Variants in BAALC observed in about 807,000 individuals in gnomAD.
The protein encoded by BAALC is brain and acute leukemia cytoplasmic protein.
BAALC carries 9 observed loss-of-function variants against 15.5 expected under a neutral mutation model. The observed-to-expected ratio is 0.58, with a 90% CI of 0.35 to 1.02. The LOEUF (loss-of-function observed/expected upper bound fraction) is 1.02. BAALC is among the 50% of genes least tolerant of loss of function. BAALC has a pLI of 0.02. For synonymous variants in BAALC, 80 were observed against 74.6 expected (o/e 1.07, Z -0.37); for missense variants, 201 against 192.4 (o/e 1.04, Z -0.27).
At position 103,189,450 on chromosome 8, in the gene BAALC, A is replaced by G. The variant is rs143349891; in HGVS notation, c.161-23469A>G. ...AGATCTTTCTTCTTTCAGGATTAGC[A>G]GAGACAGCTGAGCAAAGTGAGAGAT... is the stretch of plus-strand genomic sequence containing the variant. On this transcript the variant is annotated intron_variant, in intron 1 of 2. Transcript: ENST00000309982. Among the ~76,000 whole-genome samples the G allele has an allele frequency of 2.5e-3, 388 of 152,330 alleles. 1 individual carries two copies. Among genetic ancestry groups the G allele is most frequent in the African/African-American group, 9.0e-3 (375 of 41,574 alleles).
At chr8:103,201,982 T>C (rs1243823416) in intron 1 of BAALC, among the ~76,000 whole-genome samples, 1 of 152,214 alleles carries the variant, frequency 6.6e-6, no homozygotes, top group Non-Finnish European at 1.5e-5. Context: ...TTAGAATCTA[T>C]ACATGTCTAT....
chr8:103,205,607 T>C (rs1488989369), intron 1 of BAALC, among the ~76,000 whole-genome samples: 1 of 152,172 alleles, frequency 6.6e-6, no homozygotes, highest in Non-Finnish European at 1.5e-5. Context: ...TAGAATCCCC[T>C]GCCTTAGAAT....
At chr8:103,141,101 C>T (rs778169702) in intron 1 of BAALC, 44 bp downstream of exon 1, 53 of 1,392,946 alleles carry the variant, frequency 3.8e-5, no homozygotes, top group Non-Finnish European at 4.7e-5. Flanking sequence ...CCCGCTACCC[C>T]GGGCGCCTTG....
At chr8:103,222,815 T>C (rs1586444909) in intron 2 of BAALC, among the ~76,000 whole-genome samples, 2 of 152,320 alleles carry the variant, frequency 1.3e-5, no homozygotes, top group East Asian at 3.9e-4. Context: ...CTTTTAGAGT[T>C]ATTGTTGTTG....
chr8:103,228,245 A>C lies in BAALC; in HGVS notation c.*146A>C. ...GGCAAGACTGTCTTACCTGGCAGCA[A>C]ACTGCTGCCTGATTTGTTGGGACCT... On this transcript the variant is annotated 3_prime_UTR_variant, in exon 3 of 3. Coordinates refer to ENST00000309982, the MANE Select transcript of BAALC (RefSeq NM_024812.3). The C allele has an allele frequency of 1.6e-6, 1 of 611,982 alleles. No individual in the cohort carries two copies. Among genetic ancestry groups the C allele is most frequent in the African/African-American group, 1.8e-5 (1 of 54,058 alleles). 37.9% of individuals were successfully genotyped at this position (611,982 alleles called of 1,614,324 possible). A position where few individuals can be genotyped will look rare whatever the true frequency, so the allele number is the denominator to read the frequency against.
chr8:103,225,558 A>C (rs1182695254), intron 2 of BAALC, among the ~76,000 whole-genome samples: 1 of 152,188 alleles, frequency 6.6e-6, no homozygotes, highest in Non-Finnish European at 1.5e-5. Context: ...CAGATTCAGC[A>C]AATGTGTGAG....
chr8:103,140,745 C>T lies in BAALC; in HGVS notation c.-153C>T. ...GGCCCGGACTAGGGGCGGCGGGCACCGCAGGAGCTCCGCGCGGCTGCAGCG... is the reference window on the plus strand; with the variant it reads ...GGCCCGGACTAGGGGCGGCGGGCACTGCAGGAGCTCCGCGCGGCTGCAGCG... On this transcript the variant is annotated 5_prime_UTR_variant, in exon 1 of 3. Transcript: ENST00000309982. This position sits in a 1 kb window ranked among gnomAD's most constrained non-coding sequence, Gnocchi z 4.2. The T allele has an allele frequency of 1.9e-6, 1 of 539,432 alleles. No individual in the cohort carries two copies. The highest frequency in any genetic ancestry group is 2.6e-6 in the Non-Finnish European group (1 of 389,938). 33.4% of individuals were successfully genotyped at this position (539,432 alleles called of 1,614,324 possible). A position where few individuals can be genotyped will look rare whatever the true frequency, so the allele number is the denominator to read the frequency against.
At chr8:103,170,235 CT>C (rs35384925) in intron 1 of BAALC, among the ~76,000 whole-genome samples, 13,486 of 140,018 alleles carry the variant, frequency 0.096, 707 homozygotes, top group Middle Eastern at 0.14. Context: ...TTCAATGAGC[CT>C]TTTTTTTTTT....
chr8:103,192,545 T>C (rs987631388), intron 1 of BAALC, among the ~76,000 whole-genome samples: 1 of 152,256 alleles, frequency 6.6e-6, no homozygotes, highest in Non-Finnish European at 1.5e-5. Flanking sequence ...GTCAGTTGCA[T>C]TTATCAGGTG....
intron 1 of BAALC, among the ~76,000 whole-genome samples, chr8:103,184,971 A>C (rs1399746285): frequency 6.6e-6 from 1 of 152,090 alleles, no homozygotes; most frequent in Non-Finnish European, 1.5e-5. Flanking sequence ...TGTAAAGGAG[A>C]GATCTGTCCT....
At chr8:103,208,824 G>C (rs1290421958) in intron 1 of BAALC, among the ~76,000 whole-genome samples, 1 of 152,086 alleles carries the variant, frequency 6.6e-6, no homozygotes, top group Non-Finnish European at 1.5e-5. Flanking sequence ...CCTCCTCATG[G>C]ATCAGCAACT....
At chr8:103,149,974 T>G (rs1389080108) in intron 1 of BAALC, among the ~76,000 whole-genome samples, 2 of 152,172 alleles carry the variant, frequency 1.3e-5, no homozygotes, top group Non-Finnish European at 2.9e-5. Context: ...TCTGTTTTCA[T>G]GCTGCCGACG....
At chr8:103,150,469 G>T (rs1320545263) in intron 1 of BAALC, among the ~76,000 whole-genome samples, 1 of 152,122 alleles carries the variant, frequency 6.6e-6, no homozygotes, top group Non-Finnish European at 1.5e-5. Context: ...GCTATGGCTG[G>T]TACCACTCCA....
chr8:103,197,920 A>G (rs1172394599), intron 1 of BAALC, among the ~76,000 whole-genome samples: 7 of 152,202 alleles, frequency 4.6e-5, no homozygotes, highest in Admixed American at 4.6e-4. Context: ...CGAGATTTGG[A>G]GGAGACAAGT....
At chr8:103,200,713 A>G in intron 1 of BAALC, 1 of 700,674 alleles carries the variant, frequency 1.4e-6, no homozygotes, top group East Asian at 2.7e-5. Context: ...TGTCTGATGA[A>G]GGCTTGTTCT....
chr8:103,201,662 T>C (rs1267464626), intron 1 of BAALC, among the ~76,000 whole-genome samples: 2 of 152,126 alleles, frequency 1.3e-5, no homozygotes, highest in African/African-American at 4.8e-5. Context: ...GGTGTAGAAT[T>C]GAGGAACTAG....
chr8:103,226,032 C>G (rs1437532751), intron 2 of BAALC, among the ~76,000 whole-genome samples: 1 of 152,148 alleles, frequency 6.6e-6, no homozygotes. Flanking sequence ...TGTTCAGGGG[C>G]CATGTTGTTT....
intron 1 of BAALC, chr8:103,202,728 G>A (rs190277995): frequency 1.3e-5 from 2 of 152,314 alleles, no homozygotes; most frequent in East Asian, 3.9e-4. Flanking sequence ...ACCTTTGGTG[G>A]GATAGAGAGC....
intron 2 of BAALC, among the ~76,000 whole-genome samples, chr8:103,215,962 A>G (rs1479289930): frequency 6.6e-6 from 1 of 152,248 alleles, no homozygotes; most frequent in Non-Finnish European, 1.5e-5. Flanking sequence ...CAATGTCACC[A>G]TTCTTCTCAC....
Sources: gnomAD v4.1 joint callset for allele counts (sites outside exome capture counted in the v4.1 genomes callset) on GRCh38, gnomAD v4.1.1 for gene constraint, Gnocchi (gnomAD v3.1) non-coding constraint, MANE v1.5 for transcripts, NCBI Gene and HGNC (gene_info 2026-07-23, HGNC 2026-07-21) for gene names.